ZNF226: variants seen among roughly 807,000 people sequenced by gnomAD.
ZNF226 encodes Kruppel-associated box protein.
Under a neutral mutation model 11.4 loss-of-function variants are expected in ZNF226, and 6 were observed. The observed-to-expected ratio is 0.53, with a 90% CI of 0.29 to 1.04. ZNF226 has a LOEUF of 1.04. ZNF226 is among the 50% of genes least tolerant of loss of function. The probability of loss-of-function intolerance (pLI) is 0.08; values close to 1 mark genes in which losing one functional copy is unlikely to be tolerated. For missense variants in ZNF226, 1,058 were observed against 956.5 expected (o/e 1.11, Z -1.40); for synonymous variants, 350 against 322.8 (o/e 1.08, Z -0.90).
downstream of ZNF226, among the ~76,000 whole-genome samples, chr19:44,180,652 T>G (rs1970893583): frequency 6.6e-6 from 1 of 152,188 alleles, no homozygotes; most frequent in African/African-American, 2.4e-5. Context: ...GCTTTCTTGC[T>G]GCAGTGTCAA....
chr19:44,195,392 T>C, the ZNF226 span, among the ~76,000 whole-genome samples: 1 of 152,216 alleles, frequency 6.6e-6, no homozygotes, highest in Non-Finnish European at 1.5e-5. Flanking sequence ...TGAGGTCAGC[T>C]GACTTCTTGA....
rs2122519655 is a variant in ZNF226, at chr19:44,177,289, G to T, written c.2027G>T (p.Cys676Phe). The T allele has an allele frequency of 6.2e-7, 1 of 1,614,204 alleles. No individual in the cohort carries two copies. The highest frequency in any genetic ancestry group is 2.2e-5 in the East Asian group (1 of 44,880). The change falls in exon 6 of 6, where the codon TGT becomes TTT. Residue 676 changes from cysteine (C) to phenylalanine (F), a missense_variant. Coordinates refer to ENST00000337433, the MANE Select transcript of ZNF226 (RefSeq NM_001032373.2). Reference sequence around the variant, plus strand: ...GATAAGCCATACAAATGTGATGAGTGTGGGAAGGGCTTCAAGTGGAGCTTG... The same window carrying T: ...GATAAGCCATACAAATGTGATGAGTTTGGGAAGGGCTTCAAGTGGAGCTTG... ...TGDKPYKCDECGKGFKWSLNL... is the reference protein window; with the variant it reads ...TGDKPYKCDEFGKGFKWSLNL...
At chr19:44,173,010 C>G (rs1267351819) in intron 5 of ZNF226, 58 bp downstream of exon 5, 12 of 1,496,420 alleles carry the variant, frequency 8.0e-6, no homozygotes, top group Non-Finnish European at 1.1e-5. Context: ...TTTGCTTCTT[C>G]TTAGCCTTGT....
intron 2 of ZNF226, among the ~76,000 whole-genome samples, chr19:44,168,117 T>C (rs969355964): frequency 6.6e-6 from 1 of 152,250 alleles, no homozygotes; most frequent in Non-Finnish European, 1.5e-5. Flanking sequence ...TATTTCTCTC[T>C]GTGTTACAAG....
At chr19:44,196,024 A>C in the ZNF226 span, among the ~76,000 whole-genome samples, 1 of 150,196 alleles carries the variant, frequency 6.7e-6, no homozygotes, top group South Asian at 2.1e-4. Flanking sequence ...AATTTTGAGT[A>C]GTGTACTTCA....
chr19:44,181,908 A>G (rs570974281), downstream of ZNF226, among the ~76,000 whole-genome samples: 3 of 152,362 alleles, frequency 2.0e-5, no homozygotes, highest in Admixed American at 2.0e-4. Context: ...GTCACCAAGT[A>G]GAAAATACGA....
chr19:44,177,460 G>T lies in ZNF226; in HGVS notation c.2198G>T (p.Gly733Val), dbSNP rs777025461. Residue 733 changes from glycine (G) to valine (V), a missense_variant, in exon 6 of 6, where the codon GGT (glycine) becomes GTT (valine). Coordinates refer to ENST00000337433, the MANE Select transcript of ZNF226 (RefSeq NM_001032373.2). ...GEKPYKCDVC[G>V]KVFSRSSQLQ... ...AAACCATACAAATGTGATGTGTGTGGTAAAGTCTTCAGTCGGTCTTCACAA... is the reference window on the plus strand; with the variant it reads ...AAACCATACAAATGTGATGTGTGTGTTAAAGTCTTCAGTCGGTCTTCACAA... 4.3e-6 allele frequency: 7 copies of T among 1,614,182 alleles called. No homozygotes were observed. The highest frequency in any genetic ancestry group is 5.9e-6 in the Non-Finnish European group (7 of 1,180,032).
At chr19:44,194,662 AACT>A in the ZNF226 span, among the ~76,000 whole-genome samples, 1 of 152,342 alleles carries the variant, frequency 6.6e-6, no homozygotes, top group African/African-American at 2.4e-5. Flanking sequence ...AATGTGAGTT[AACT>A]ACTATTTTTC....
At chr19:44,192,578 C>T in the ZNF226 span, among the ~76,000 whole-genome samples, 2 of 152,228 alleles carry the variant, frequency 1.3e-5, no homozygotes, top group South Asian at 2.1e-4. Context: ...GCATGTTTCT[C>T]ATCAAATCAT....
intron 5 of ZNF226, 109 bp from the exon 6 acceptor site, chr19:44,175,389 G>A (rs1188229989): frequency 1.0e-5 from 15 of 1,442,856 alleles, no homozygotes; most frequent in Non-Finnish European, 1.4e-5. Context: ...CAAAAGATGA[G>A]CAGAACTATC....
At chr19:44,182,643 T>C (rs1970923948), downstream of ZNF226, among the ~76,000 whole-genome samples, 1 of 152,106 alleles carries the variant, frequency 6.6e-6, no homozygotes, top group Non-Finnish European at 1.5e-5. Flanking sequence ...GTAGTAACTC[T>C]TCTCGGCAGA....
intron 5 of ZNF226, chr19:44,173,292 ACT>A (rs1970326842): frequency 5.4e-6 from 2 of 370,258 alleles, no homozygotes; most frequent in African/African-American, 2.1e-5. Context: ...TATCTTCTAT[ACT>A]CTCTTTCTGT....
At chr19:44,182,344 C>T (rs1465684028), downstream of ZNF226, among the ~76,000 whole-genome samples, 3 of 145,286 alleles carry the variant, frequency 2.1e-5, no homozygotes, top group Non-Finnish European at 4.4e-5. Flanking sequence ...GTGATGCGCG[C>T]GCGCGCGTGC....
chr19:44,190,825 T>A, the ZNF226 span, among the ~76,000 whole-genome samples: 9 of 152,194 alleles, frequency 5.9e-5, no homozygotes, highest in African/African-American at 2.2e-4. Flanking sequence ...AATAATTATA[T>A]TGTCATTTAA....
downstream of ZNF226, among the ~76,000 whole-genome samples, chr19:44,179,188 A>G (rs186475921): frequency 1.4e-3 from 206 of 152,264 alleles, 1 homozygote; most frequent in Non-Finnish European, 2.1e-3. Context: ...TTAAAAAAAA[A>G]TCACATACCT....
the ZNF226 span, among the ~76,000 whole-genome samples, chr19:44,186,399 G>A: frequency 6.6e-6 from 1 of 151,910 alleles, no homozygotes; most frequent in Non-Finnish European, 1.5e-5. Flanking sequence ...ACAATGTTTT[G>A]TAGTTTTCAA....
chr19:44,187,386 G>A, the ZNF226 span, among the ~76,000 whole-genome samples: 1 of 151,646 alleles, frequency 6.6e-6, no homozygotes, highest in Non-Finnish European at 1.5e-5. This position sits in a 1 kb window ranked among gnomAD's most constrained non-coding sequence, Gnocchi z 4.0. Context: ...TTTCTTCTAG[G>A]TTATCCAATC....
the ZNF226 span, among the ~76,000 whole-genome samples, chr19:44,183,626 C>A: frequency 3.9e-5 from 6 of 152,168 alleles, no homozygotes; most frequent in Non-Finnish European, 8.8e-5. Context: ...GCAGCCAGAT[C>A]ACCTTCATGT....
the ZNF226 span, among the ~76,000 whole-genome samples, chr19:44,195,923 A>G: frequency 6.6e-6 from 1 of 152,228 alleles, no homozygotes; most frequent in Admixed American, 6.5e-5. Flanking sequence ...ATGTTCTAGC[A>G]TCACCTAAAA....
Sources: allele counts gnomAD v4.1 joint callset (sites outside exome capture counted in the v4.1 genomes callset), GRCh38; gene constraint gnomAD v4.1.1; non-coding constraint Gnocchi (gnomAD v3.1); transcripts MANE v1.5; gene names NCBI Gene and HGNC (gene_info 2026-07-23, HGNC 2026-07-21).